CDK19: variants seen among roughly 807,000 people sequenced by gnomAD.
The protein encoded by CDK19 is cyclin dependent kinase 19, also known as cyclin-dependent kinase 19.
In CDK19, 20 loss-of-function variants were observed where a neutral mutation model predicts 68.3. The ratio of observed to expected loss-of-function variants is 0.29; its 90% CI spans 0.21 to 0.43. The LOEUF is 0.43. CDK19 is among the 20% of genes least tolerant of loss of function. The pLI, the probability that CDK19 is intolerant of heterozygous loss-of-function variation, is 1.00. For synonymous variants in CDK19, 221 were observed against 222.8 expected (o/e 0.99, Z 0.07); for missense variants, 339 against 623.5 (o/e 0.54, Z 4.86).
chr6:110,660,520 A>C (rs754282034), intron 4 of CDK19, among the ~76,000 whole-genome samples: 1 of 152,168 alleles, frequency 6.6e-6, no homozygotes, highest in Non-Finnish European at 1.5e-5. Flanking sequence ...TCCAGCATCC[A>C]GGAGGAATGA....
chr6:110,648,422 T>A (rs1268441521), intron 4 of CDK19, among the ~76,000 whole-genome samples: 1 of 151,962 alleles, frequency 6.6e-6, no homozygotes, highest in Non-Finnish European at 1.5e-5. Flanking sequence ...CTAGGAAATA[T>A]AATTTTTCAA....
rs530699990 is a variant in CDK19 at position 110,719,406 on chromosome 6, C to A, written c.204+26720G>T. On this transcript the variant is annotated intron_variant, in intron 2 of 12. Coordinates refer to ENST00000368911, the MANE Select transcript of CDK19 (RefSeq NM_015076.5). ...GTCCCACTATGCCTATGCCTGCAGT[C>A]CCAGCTATGTGGGAAGCTGAGGTGA... 8.5e-5 allele frequency among the ~76,000 whole-genome samples: 13 copies of A among 152,218 alleles called. No individual in the cohort carries two copies. In the South Asian group the frequency reaches 2.7e-3, roughly 32 times the overall value.
chr6:110,729,716 G>A (rs1437125754), intron 2 of CDK19, among the ~76,000 whole-genome samples: 5 of 151,608 alleles, frequency 3.3e-5, no homozygotes, highest in Middle Eastern at 3.4e-3. Context: ...GATTACAGGC[G>A]TGAGCCACCA....
chr6:110,779,560 G>A lies in CDK19; in HGVS notation c.129-33359C>T, dbSNP rs183149211. Among the ~76,000 whole-genome samples the A allele has an allele frequency of 4.6e-3, 694 of 152,260 alleles. 3 individuals are homozygous for A. The highest frequency in any genetic ancestry group is 0.034 in the Middle Eastern group (10 of 294). On this transcript the variant is annotated intron_variant, in intron 1 of 12. Coordinates refer to ENST00000368911, the MANE Select transcript of CDK19 (RefSeq NM_015076.5). ...CACAAGGTCTAGACTAGGGCATAAA[G>A]AAGAACTCAATAAATGTTAGATGAA...
intron 1 of CDK19, among the ~76,000 whole-genome samples, chr6:110,755,763 A>T (rs1370532519): frequency 6.6e-6 from 1 of 152,190 alleles, no homozygotes; most frequent in East Asian, 1.9e-4. Context: ...ATCGAAAGCC[A>T]TCAGAGGTTT....
intron 2 of CDK19, among the ~76,000 whole-genome samples, chr6:110,683,755 A>G (rs1772212455): frequency 6.9e-6 from 1 of 144,232 alleles, no homozygotes; most frequent in African/African-American, 2.6e-5. Flanking sequence ...AGGCTGGAGT[A>G]CAGTGGCGTG....
intron 1 of CDK19, among the ~76,000 whole-genome samples, chr6:110,764,978 A>T (rs188493766): frequency 6.6e-6 from 1 of 151,134 alleles, no homozygotes; most frequent in African/African-American, 2.4e-5. Flanking sequence ...TAAATAAATA[A>T]ATAAAAATTT....
intron 2 of CDK19, among the ~76,000 whole-genome samples, chr6:110,705,432 G>A (rs1458568634): frequency 6.6e-6 from 1 of 152,206 alleles, no homozygotes; most frequent in Non-Finnish European, 1.5e-5. Flanking sequence ...TGAAGCTCAG[G>A]AGAGAGTGCT....
intron 4 of CDK19, among the ~76,000 whole-genome samples, chr6:110,640,981 A>G (rs1780109511): frequency 6.6e-6 from 1 of 152,068 alleles, no homozygotes; most frequent in Admixed American, 6.6e-5. Flanking sequence ...AAAATGAAAG[A>G]GTTTGAGAAA....
intron 2 of CDK19, among the ~76,000 whole-genome samples, chr6:110,697,302 C>T (rs1773560033): frequency 6.6e-6 from 1 of 151,454 alleles, no homozygotes; most frequent in South Asian, 2.1e-4. Flanking sequence ...ATTACAAGAT[C>T]AATGTACACA....
intron 1 of CDK19, among the ~76,000 whole-genome samples, chr6:110,781,494 T>A (rs1384695151): frequency 1.3e-5 from 2 of 151,996 alleles, no homozygotes; most frequent in Non-Finnish European, 2.9e-5. Context: ...CCAAACTATA[T>A]CAGACAGTTG....
At chr6:110,684,050 C>A (rs936177238) in intron 2 of CDK19, among the ~76,000 whole-genome samples, 5 of 151,766 alleles carry the variant, frequency 3.3e-5, no homozygotes, top group Non-Finnish European at 7.4e-5. Flanking sequence ...ATTGGATATA[C>A]TTCTTATAAA....
At chr6:110,649,873 T>C (rs2114859073) in intron 4 of CDK19, among the ~76,000 whole-genome samples, 1 of 152,268 alleles carries the variant, frequency 6.6e-6, no homozygotes, top group Admixed American at 6.5e-5. Flanking sequence ...TTCCAGTACA[T>C]AGCTGGTGGC....
chr6:110,610,529 T>C lies in CDK19; in HGVS notation c.*4006A>G, dbSNP rs953887461. Reference sequence around the variant, plus strand: ...ATATCACCCCTTTGCAGTGATAGCATAGAAGAGTAAGTATGGCCTTAGGTA... The same window carrying C: ...ATATCACCCCTTTGCAGTGATAGCACAGAAGAGTAAGTATGGCCTTAGGTA... On this transcript the variant is annotated 3_prime_UTR_variant, in exon 13 of 13. Coordinates refer to ENST00000368911, the MANE Select transcript of CDK19 (RefSeq NM_015076.5). 8 of 152,440 alleles carry C rather than the reference T, an allele frequency of 5.2e-5. No homozygotes were observed. Among genetic ancestry groups the C allele is most frequent in the Admixed American group, 4.6e-4 (7 of 15,284 alleles). The allele number at this position is 152,440 out of a possible 1,614,324, so 9.4% of individuals were successfully genotyped here. A position where few individuals can be genotyped will look rare whatever the true frequency, so the allele number is the denominator to read the frequency against.
chr6:110,624,674 C>A (rs560803213), intron 8 of CDK19, among the ~76,000 whole-genome samples: 54 of 152,254 alleles, frequency 3.5e-4, no homozygotes, highest in African/African-American at 1.2e-3. Flanking sequence ...TAAACATTTT[C>A]TTTTGTCAAA....
chr6:110,643,211 A>C, intron 4 of CDK19: 1 of 1,287,372 alleles, frequency 7.8e-7, no homozygotes, highest in Non-Finnish European at 1.0e-6. Context: ...CTGACGAGTA[A>C]AACAATACAT....
At chr6:110,641,572 G>C (rs1322942065) in intron 4 of CDK19, among the ~76,000 whole-genome samples, 1 of 144,194 alleles carries the variant, frequency 6.9e-6, no homozygotes, top group Non-Finnish European at 1.5e-5. Flanking sequence ...TCTAGCCTGG[G>C]CAACAGAGTG....
At chr6:110,715,074 G>A (rs1051633462) in intron 2 of CDK19, among the ~76,000 whole-genome samples, 1 of 151,810 alleles carries the variant, frequency 6.6e-6, no homozygotes, top group African/African-American at 2.4e-5. Flanking sequence ...TTTTTAATGG[G>A]GTTTCTTTTT....
rs1040415832 is a variant in CDK19, at chr6:110,803,585, A to C, written c.128+11424T>G. Among the ~76,000 whole-genome samples the C allele has an allele frequency of 9.2e-5, 14 of 152,220 alleles. 1 individual carries two copies. The highest frequency in any genetic ancestry group is 3.4e-4 in the African/African-American group (14 of 41,452). The stretch of plus-strand genomic sequence containing the variant: ...AATTACATAAAACCTTTCAGAAAAC[A>C]GAAAAGTCCTTTTTTAAATTTGCAC... On this transcript the variant is annotated intron_variant, in intron 1 of 12. Transcript: ENST00000368911.
Sources: allele counts gnomAD v4.1 joint callset (sites outside exome capture counted in the v4.1 genomes callset), GRCh38; gene constraint gnomAD v4.1.1; transcripts MANE v1.5; gene names NCBI Gene and HGNC (gene_info 2026-07-23, HGNC 2026-07-21).